The following CADM2 variants were observed in gnomAD, a reference collection of about 807,000 sequenced individuals.
CADM2 encodes cell adhesion molecule 2.
A neutral mutation model predicts 49.8 loss-of-function variants in CADM2; 12 were observed. That is an observed-to-expected ratio of 0.24 (90% CI 0.15 to 0.39). The LOEUF (loss-of-function observed/expected upper bound fraction) is 0.39, where lower values mean the gene tolerates loss of function less well. Among genes scored for constraint, CADM2 ranks in the 10% least tolerant of loss-of-function variants. The probability of loss-of-function intolerance (pLI) is 1.00; values close to 1 mark genes in which losing one functional copy is unlikely to be tolerated. For synonymous variants in CADM2, 214 were observed against 175.4 expected (o/e 1.22, Z -1.74); for missense variants, 378 against 492.3 (o/e 0.77, Z 2.20).
At chr3:85,678,405 G>A (rs1237643578) in intron 1 of CADM2, among the ~76,000 whole-genome samples, 2 of 152,170 alleles carry the variant, frequency 1.3e-5, no homozygotes, top group Non-Finnish European at 2.9e-5. Flanking sequence ...ATCCAGAGCA[G>A]TGGCTTTCAA....
intron 1 of CADM2, among the ~76,000 whole-genome samples, chr3:85,171,833 G>A (rs1023136388): frequency 1.1e-4 from 17 of 152,104 alleles, no homozygotes; most frequent in African/African-American, 4.1e-4. Context: ...AAACCTCATG[G>A]TGTGATGCAG....
intron 3 of CADM2, among the ~76,000 whole-genome samples, chr3:85,850,826 C>A (rs1392595967): frequency 3.3e-5 from 5 of 152,112 alleles, no homozygotes; most frequent in Non-Finnish European, 7.4e-5. Context: ...GCAAAGATTT[C>A]TTCCAATATG....
intron 7 of CADM2, among the ~76,000 whole-genome samples, chr3:85,942,884 G>A (rs1181647732): frequency 6.6e-6 from 1 of 152,040 alleles, no homozygotes; most frequent in East Asian, 1.9e-4. Flanking sequence ...GGTATTTCCA[G>A]TTCTAGATCC....
At chr3:84,991,271 G>T (rs1181936426) in intron 1 of CADM2, among the ~76,000 whole-genome samples, 1 of 147,478 alleles carries the variant, frequency 6.8e-6, no homozygotes, top group Non-Finnish European at 1.5e-5. Flanking sequence ...ATTTTCCCGA[G>T]GGAAAATTCT....
At chr3:85,929,408 T>A (rs1052388325) in intron 6 of CADM2, among the ~76,000 whole-genome samples, 1 of 151,864 alleles carries the variant, frequency 6.6e-6, no homozygotes, top group African/African-American at 2.4e-5. Flanking sequence ...ACAGAAAAAA[T>A]ACAAACTTTT....
intron 1 of CADM2, among the ~76,000 whole-genome samples, chr3:85,326,609 T>G (rs2044757486): frequency 6.6e-6 from 1 of 152,140 alleles, no homozygotes; most frequent in African/African-American, 2.4e-5. Flanking sequence ...TTTGAAATGA[T>G]TTTTCACAAA....
At chr3:85,076,036 G>C (rs2036927508) in intron 1 of CADM2, among the ~76,000 whole-genome samples, 1 of 149,912 alleles carries the variant, frequency 6.7e-6, no homozygotes, top group Non-Finnish European at 1.5e-5. Context: ...ATATCTTTTA[G>C]AAGAAAATGT....
At chr3:85,781,733 C>T (rs1268753171) in intron 2 of CADM2, among the ~76,000 whole-genome samples, 2 of 152,166 alleles carry the variant, frequency 1.3e-5, no homozygotes, top group African/African-American at 2.4e-5. Flanking sequence ...CTTTATAATG[C>T]CTCTGTCTCA....
chr3:85,640,337 A>C (rs2064669899), intron 1 of CADM2, among the ~76,000 whole-genome samples: 4 of 152,236 alleles, frequency 2.6e-5, no homozygotes. Flanking sequence ...ATGTTTAAGA[A>C]GTGATTCCAG....
intron 8 of CADM2, among the ~76,000 whole-genome samples, chr3:86,048,486 C>T (rs965420022): frequency 6.6e-6 from 1 of 151,794 alleles, no homozygotes; most frequent in Non-Finnish European, 1.5e-5. Flanking sequence ...ATATTAATGG[C>T]TATTACTGTT....
chr3:85,333,740 T>A (rs1369417290), intron 1 of CADM2, among the ~76,000 whole-genome samples: 1 of 151,816 alleles, frequency 6.6e-6, no homozygotes, highest in African/African-American at 2.4e-5. Flanking sequence ...ATTGGGTCAA[T>A]ACATCTCATT....
chr3:85,143,157 T>G (rs2039627586), intron 1 of CADM2, among the ~76,000 whole-genome samples: 1 of 152,158 alleles, frequency 6.6e-6, no homozygotes, highest in East Asian at 1.9e-4. Flanking sequence ...TATAAAATGA[T>G]TTTGAAGAGG....
At chr3:85,319,681 G>A (rs765826977) in intron 1 of CADM2, among the ~76,000 whole-genome samples, 7 of 152,096 alleles carry the variant, frequency 4.6e-5, no homozygotes, top group Non-Finnish European at 8.8e-5. Flanking sequence ...CTTAGCAAAC[G>A]TATGCAGGAA....
chr3:85,809,880 C>A (rs1224975368), intron 3 of CADM2, among the ~76,000 whole-genome samples: 1 of 150,612 alleles, frequency 6.6e-6, no homozygotes, highest in Non-Finnish European at 1.5e-5. Context: ...TTCAAAACAT[C>A]TTATCTCATA....
chr3:85,389,809 G>T (rs2034432134), intron 1 of CADM2, among the ~76,000 whole-genome samples: 1 of 152,092 alleles, frequency 6.6e-6, no homozygotes, highest in African/African-American at 2.4e-5. Context: ...GGCCAGGTAT[G>T]CAGCACTGAC....
At position 86,039,834 on chromosome 3, in the gene CADM2, A is replaced by C. The variant is rs537658033; in HGVS notation, c.971-25771A>C. On this transcript the variant is annotated intron_variant, in intron 8 of 9. Transcript: ENST00000383699. Reference sequence around the variant, plus strand: ...GTAGCCTAATTGGGAGGCACCCCCCAGTAGGGGCAGACTGACAACACACAT... The same window carrying C: ...GTAGCCTAATTGGGAGGCACCCCCCCGTAGGGGCAGACTGACAACACACAT... Among the ~76,000 whole-genome samples, 307 of 145,704 alleles carry C rather than the reference A, an allele frequency of 2.1e-3. 2 individuals carry two copies. The highest frequency in any genetic ancestry group is 3.6e-3 in the Non-Finnish European group (241 of 67,852).
chr3:85,043,319 T>G (rs1378779078), intron 1 of CADM2, among the ~76,000 whole-genome samples: 2 of 151,836 alleles, frequency 1.3e-5, no homozygotes, highest in African/African-American at 4.8e-5. Flanking sequence ...ATATGCCAAA[T>G]ATGGGTATGT....
At chr3:86,061,869 T>C (rs1559832268) in intron 8 of CADM2, among the ~76,000 whole-genome samples, 1 of 152,018 alleles carries the variant, frequency 6.6e-6, no homozygotes, top group Non-Finnish European at 1.5e-5. Context: ...ATTTCATTAA[T>C]CCAAAACATT....
At chr3:86,043,562 G>A (rs1394920754) in intron 8 of CADM2, among the ~76,000 whole-genome samples, 1 of 152,092 alleles carries the variant, frequency 6.6e-6, no homozygotes, top group Non-Finnish European at 1.5e-5. Context: ...ACTGCTCAAG[G>A]AAATAAAAGA....
Sources: allele counts gnomAD v4.1 joint callset (sites outside exome capture counted in the v4.1 genomes callset), GRCh38; gene constraint gnomAD v4.1.1; transcripts MANE v1.5; gene names NCBI Gene and HGNC (gene_info 2026-07-23, HGNC 2026-07-21).